SUGCT: variants seen among roughly 807,000 people sequenced by gnomAD.
The protein encoded by SUGCT is succinyl-CoA:glutarate-CoA transferase.
A neutral mutation model predicts 55.0 loss-of-function variants in SUGCT; 41 were observed. The observed-to-expected ratio is 0.74, with a 90% CI of 0.58 to 0.97. The LOEUF (loss-of-function observed/expected upper bound fraction) is 0.97. SUGCT is among the 50% of genes least tolerant of loss of function. The probability of loss-of-function intolerance (pLI) is 0.00; values close to 1 mark genes in which losing one functional copy is unlikely to be tolerated. For synonymous variants in SUGCT, 187 were observed against 200.4 expected (o/e 0.93, Z 0.56); for missense variants, 568 against 547.8 (o/e 1.04, Z -0.37).
In SUGCT at chr7:40,449,253, A is replaced by C. The variant is rs12666860; in HGVS notation, c.817-34A>C. The C allele has an allele frequency of 6.0e-3, 8,728 of 1,452,228 alleles. 344 individuals are homozygous for C. In the Admixed American group the frequency reaches 0.091, roughly 15 times the overall value. The allele number at this position is 1,452,228 out of a possible 1,614,324, so 90.0% of individuals were successfully genotyped here. On this transcript the variant is annotated intron_variant, in intron 9 of 13. Transcript: ENST00000335693. The stretch of plus-strand genomic sequence containing the variant: ...AACTTTTGTGGTCTTGTCAACATAT[A>C]AATAATATTTACCTGTGTATTTATT...
At chr7:40,233,539 A>G (rs1239499121) in intron 6 of SUGCT, among the ~76,000 whole-genome samples, 1 of 152,140 alleles carries the variant, frequency 6.6e-6, no homozygotes, top group African/African-American at 2.4e-5. Context: ...CTTCTTCGCT[A>G]TTATGAACAA....
chr7:40,325,898 CT>C (rs71560191), intron 9 of SUGCT, among the ~76,000 whole-genome samples: 8 of 122,186 alleles, frequency 6.5e-5, no homozygotes, highest in African/African-American at 9.0e-5. Flanking sequence ...GGATGTGCGT[CT>C]TTTTTTTTTG....
chr7:40,543,473 ACT>A (rs1292396537), intron 12 of SUGCT, among the ~76,000 whole-genome samples: 2 of 152,056 alleles, frequency 1.3e-5, no homozygotes, highest in African/African-American at 2.4e-5. Flanking sequence ...GGATTGGAAG[ACT>A]CTGCCGTACA....
Position 40,195,751 on chromosome 7 carries a change from G to A in SUGCT, c.484+691G>A, listed in dbSNP as rs372494871. ...TTTTTTTGAGACAGAGTCTCACTCT[G>A]TCGCCCAGCCTGGAGTTTAGTGGCA... On this transcript the variant is annotated intron_variant, in intron 6 of 13. Coordinates refer to ENST00000335693, the MANE Select transcript of SUGCT (RefSeq NM_001193313.2). 4.3e-4 allele frequency among the ~76,000 whole-genome samples: 46 copies of A among 106,788 alleles called. No homozygotes were observed. The South Asian group carries it at 0.014, about 33-fold the overall frequency. 70.1% of individuals were successfully genotyped at this position (106,788 alleles called of 152,430 possible).
At chr7:40,420,183 A>C (rs879741553) in intron 9 of SUGCT, among the ~76,000 whole-genome samples, 10 of 152,154 alleles carry the variant, frequency 6.6e-5, no homozygotes, top group Non-Finnish European at 1.3e-4. Flanking sequence ...TTGATAAAGG[A>C]AGAAAGTGTC....
intron 12 of SUGCT, among the ~76,000 whole-genome samples, chr7:40,680,410 G>C (rs912927231): frequency 6.6e-6 from 1 of 152,150 alleles, no homozygotes; most frequent in Non-Finnish European, 1.5e-5. Context: ...TTAGAAGTCT[G>C]TCTGAGGCTC....
intron 13 of SUGCT, among the ~76,000 whole-genome samples, chr7:40,857,433 T>A (rs1019556825): frequency 6.6e-6 from 1 of 152,162 alleles, no homozygotes; most frequent in African/African-American, 2.4e-5. Flanking sequence ...TCCTAGCAAG[T>A]GTGAAAAAGT....
chr7:40,646,570 G>A (rs1800523035), intron 12 of SUGCT, among the ~76,000 whole-genome samples: 1 of 152,138 alleles, frequency 6.6e-6, no homozygotes, highest in African/African-American at 2.4e-5. Context: ...TACTGGGCTA[G>A]TGCTTTCCTG....
intron 12 of SUGCT, among the ~76,000 whole-genome samples, chr7:40,570,089 GT>G (rs1435763577): frequency 6.6e-6 from 1 of 152,184 alleles, no homozygotes; most frequent in Non-Finnish European, 1.5e-5. Flanking sequence ...TAGCTCAGTG[GT>G]GATTGCATTA....
chr7:40,145,187 A>C (rs1477062593), intron 1 of SUGCT, among the ~76,000 whole-genome samples: 1 of 152,188 alleles, frequency 6.6e-6, no homozygotes, highest in Non-Finnish European at 1.5e-5. Flanking sequence ...TTAACCTTTT[A>C]ATGTAGGTAA....
At chr7:40,776,417 CTATT>C (rs1395627675) in intron 13 of SUGCT, among the ~76,000 whole-genome samples, 1 of 152,066 alleles carries the variant, frequency 6.6e-6, no homozygotes, top group African/African-American at 2.4e-5. Context: ...GATTACATCA[CTATT>C]TGTATTCATT....
At chr7:40,591,584 T>C (rs1389911150) in intron 12 of SUGCT, among the ~76,000 whole-genome samples, 1 of 152,176 alleles carries the variant, frequency 6.6e-6, no homozygotes, top group Non-Finnish European at 1.5e-5. Flanking sequence ...TGCTATCAAA[T>C]AGTATCGCAT....
chr7:40,601,492 A>C (rs1309077388), intron 12 of SUGCT, among the ~76,000 whole-genome samples: 1 of 152,232 alleles, frequency 6.6e-6, no homozygotes, highest in African/African-American at 2.4e-5. Context: ...TGTTGTGGAA[A>C]TACTTACATG....
intron 9 of SUGCT, among the ~76,000 whole-genome samples, chr7:40,406,902 A>G (rs1786400265): frequency 6.6e-6 from 1 of 152,210 alleles, no homozygotes; most frequent in Admixed American, 6.5e-5. Flanking sequence ...ACTAGAAACA[A>G]AGGATCCCTC....
chr7:40,458,376 A>G (rs1221841810), intron 10 of SUGCT, among the ~76,000 whole-genome samples: 2 of 152,222 alleles, frequency 1.3e-5, no homozygotes, highest in Admixed American at 1.3e-4. Context: ...AATGTTGTCC[A>G]AAGGGACTTG....
At chr7:40,320,385 C>T (rs10268863) in intron 9 of SUGCT, among the ~76,000 whole-genome samples, 84,348 of 151,936 alleles carry the variant, frequency 0.56, 24,736 homozygotes, top group Non-Finnish European at 0.66. Flanking sequence ...GGATTACAGG[C>T]GTGAGCCTGT....
chr7:41,033,522 C>G, the SUGCT span, among the ~76,000 whole-genome samples: 1 of 152,064 alleles, frequency 6.6e-6, no homozygotes, highest in East Asian at 1.9e-4. Context: ...TTGAAATTTC[C>G]AAGTCTTTAT....
intron 13 of SUGCT, among the ~76,000 whole-genome samples, chr7:40,856,108 C>T (rs766096326): frequency 1.3e-4 from 20 of 152,280 alleles, no homozygotes; most frequent in African/African-American, 2.6e-4. Flanking sequence ...AACTGGCATC[C>T]GCTTGCTCTT....
chr7:40,848,335 T>A (rs1366990086), intron 13 of SUGCT, among the ~76,000 whole-genome samples: 1 of 152,182 alleles, frequency 6.6e-6, no homozygotes, highest in Non-Finnish European at 1.5e-5. Context: ...TCTTCCTACA[T>A]GCTTTCTCTC....
Sources: gnomAD v4.1 joint callset for allele counts (sites outside exome capture counted in the v4.1 genomes callset) on GRCh38, gnomAD v4.1.1 for gene constraint, MANE v1.5 for transcripts, NCBI Gene and HGNC (gene_info 2026-07-23, HGNC 2026-07-21) for gene names.